The following RBPJ variants were observed in gnomAD, a reference collection of about 807,000 sequenced individuals.
The protein encoded by RBPJ is recombination signal binding protein for immunoglobulin kappa J region, also known as recombining binding protein suppressor of hairless.
A neutral mutation model predicts 67.8 loss-of-function variants in RBPJ; 9 were observed. The ratio of observed to expected loss-of-function variants is 0.13; its 90% confidence interval spans 0.08 to 0.23. The LOEUF (loss-of-function observed/expected upper bound fraction) is 0.23. Ranked by LOEUF, RBPJ falls within the 10% of genes least tolerant of loss-of-function variation. The pLI is 1.00. For synonymous variants in RBPJ, 198 were observed against 203.3 expected, an observed-to-expected ratio of 0.97 and a Z score of 0.22; for missense variants, 305 against 595.6, an observed-to-expected ratio of 0.51 and a Z score of 5.08.
At chr4:26,394,068 C>G (rs1394384393) in intron 2 of RBPJ, among the ~76,000 whole-genome samples, 7 of 151,164 alleles carry the variant, frequency 4.6e-5, no homozygotes, top group African/African-American at 1.7e-4. Flanking sequence ...ACTCTGTTGC[C>G]CAGGCTGGAG....
At chr4:26,381,064 T>C (rs570387938) in intron 1 of RBPJ, among the ~76,000 whole-genome samples, 1 of 150,716 alleles carries the variant, frequency 6.6e-6, no homozygotes, top group African/African-American at 2.4e-5. Context: ...TATATTTTTC[T>C]GTATTCAAGA....
chr4:26,167,725 T>G (rs1380062257), intron 1 of RBPJ, among the ~76,000 whole-genome samples: 1 of 141,098 alleles, frequency 7.1e-6, no homozygotes, highest in Non-Finnish European at 1.5e-5. Flanking sequence ...TCCTGCCTAA[T>G]TGCCCTGGCC....
chr4:26,397,970 C>T (rs949438514), intron 2 of RBPJ, among the ~76,000 whole-genome samples: 3 of 151,886 alleles, frequency 2.0e-5, no homozygotes, highest in Non-Finnish European at 4.4e-5. Flanking sequence ...ATGCTTAGCT[C>T]CTAGGGGGCA....
At chr4:26,246,340 T>C (rs1719927737) in intron 1 of RBPJ, among the ~76,000 whole-genome samples, 1 of 152,240 alleles carries the variant, frequency 6.6e-6, no homozygotes, top group African/African-American at 2.4e-5. Flanking sequence ...AATAGAATTG[T>C]CTTTTTAAAT....
chr4:26,208,224 A>G (rs891836779), intron 1 of RBPJ, among the ~76,000 whole-genome samples: 1 of 152,230 alleles, frequency 6.6e-6, no homozygotes, highest in Non-Finnish European at 1.5e-5. Context: ...GATAGATACA[A>G]CTATCTTCCC....
At chr4:26,151,903 T>C in the RBPJ span, among the ~76,000 whole-genome samples, 1 of 152,296 alleles carries the variant, frequency 6.6e-6, no homozygotes, top group African/African-American at 2.4e-5. Flanking sequence ...AACTCAGTGA[T>C]TTAGGAACAA....
chr4:26,314,758 T>C (rs1722546862), upstream of RBPJ, among the ~76,000 whole-genome samples: 1 of 152,154 alleles, frequency 6.6e-6, no homozygotes, highest in African/African-American at 2.4e-5. Flanking sequence ...TTTTCTTTAT[T>C]ACCCAGTCTT....
chr4:26,183,506 C>G (rs982173849), intron 1 of RBPJ, among the ~76,000 whole-genome samples: 5 of 152,338 alleles, frequency 3.3e-5, no homozygotes, highest in African/African-American at 9.6e-5. Flanking sequence ...ACTGGTGCAG[C>G]TCCCCTAAAG....
intron 1 of RBPJ, among the ~76,000 whole-genome samples, chr4:26,358,489 C>T (rs1475859037): frequency 1.3e-5 from 2 of 151,722 alleles, no homozygotes; most frequent in African/African-American, 2.4e-5. Flanking sequence ...AAATAGTCCA[C>T]TCAGTCCAGG....
intron 4 of RBPJ, among the ~76,000 whole-genome samples, chr4:26,418,232 T>G (rs146973305): frequency 6.6e-6 from 1 of 152,342 alleles, no homozygotes; most frequent in East Asian, 1.9e-4. Context: ...TCTAGAGAGA[T>G]GATTATATGC....
Position 26,330,299 on chromosome 4 carries a change from T to C in RBPJ, c.20+9251T>C, listed in dbSNP as rs143236108. Among the ~76,000 whole-genome samples, 79 of 152,346 alleles carry C rather than the reference T, an allele frequency of 5.2e-4. No homozygotes were observed. In the East Asian group the frequency reaches 0.014, roughly 27 times the overall value. ...CAATTATTTTACTTACCTTGCACAATTGTGGAGCACCTACCATCTGCCAGA... is the reference window on the plus strand; with the variant it reads ...CAATTATTTTACTTACCTTGCACAACTGTGGAGCACCTACCATCTGCCAGA... On this transcript the variant is annotated intron_variant, in intron 1 of 10. Coordinates refer to ENST00000355476, the MANE Select transcript of RBPJ (RefSeq NM_015874.6).
At chr4:26,335,316 G>A (rs143574039) in intron 1 of RBPJ, among the ~76,000 whole-genome samples, 5,580 of 151,956 alleles carry the variant, frequency 0.037, 347 homozygotes, top group African/African-American at 0.13. Flanking sequence ...TGAGTAGCTG[G>A]GACTACAGGC....
At chr4:26,359,978 A>G (rs1727869404) in intron 1 of RBPJ, among the ~76,000 whole-genome samples, 1 of 152,250 alleles carries the variant, frequency 6.6e-6, no homozygotes, top group South Asian at 2.1e-4. Flanking sequence ...AACCAAAACA[A>G]AATAATCAGA....
chr4:26,119,364 G>A, the RBPJ span, among the ~76,000 whole-genome samples: 1 of 152,104 alleles, frequency 6.6e-6, no homozygotes. Flanking sequence ...CCTTCATTGA[G>A]TAGATTGGAA....
chr4:26,338,609 T>C (rs1260939972), intron 1 of RBPJ, among the ~76,000 whole-genome samples: 2 of 145,044 alleles, frequency 1.4e-5, no homozygotes, highest in Non-Finnish European at 3.0e-5. Flanking sequence ...AGAGTCTCAC[T>C]CTGCCTCCCA....
intron 1 of RBPJ, among the ~76,000 whole-genome samples, chr4:26,214,731 G>GAAAA (rs1347992333): frequency 3.1e-4 from 38 of 123,506 alleles, no homozygotes. Context: ...GAGAAAGAAA[G>GAAAA]AGGGAAGAGA....
At chr4:26,113,570 C>T in the RBPJ span, 2 of 453,572 alleles carry the variant, frequency 4.4e-6, no homozygotes, top group East Asian at 4.8e-5. Context: ...AGGGCAGAAG[C>T]CCTATGAATG....
upstream of RBPJ, among the ~76,000 whole-genome samples, chr4:26,316,575 A>G (rs1399120330): frequency 1.7e-4 from 24 of 141,930 alleles, no homozygotes; most frequent in African/African-American, 5.4e-4. Flanking sequence ...ACACATTCAT[A>G]TATATACATT....
chr4:26,162,352 C>T (rs936153648), upstream of RBPJ, among the ~76,000 whole-genome samples: 1 of 152,238 alleles, frequency 6.6e-6, no homozygotes, highest in Non-Finnish European at 1.5e-5. Flanking sequence ...ACTGTTCACT[C>T]TACGGCAAGG....
Sources: allele counts gnomAD v4.1 joint callset (sites outside exome capture counted in the v4.1 genomes callset), GRCh38; gene constraint gnomAD v4.1.1; transcripts MANE v1.5; gene names NCBI Gene and HGNC (gene_info 2026-07-23, HGNC 2026-07-21).